RNF20: variants seen among roughly 807,000 people sequenced by gnomAD.
RNF20 encodes ring finger protein 20, also known as E3 ubiquitin-protein ligase BRE1A.
RNF20 carries 84 observed loss-of-function variants against 126.2 expected under a neutral mutation model. That is an observed-to-expected ratio of 0.67 (90% CI 0.56 to 0.80). RNF20 has a LOEUF of 0.80. Among genes scored for constraint, RNF20 ranks in the 30% least tolerant of loss-of-function variants. The probability of loss-of-function intolerance (pLI) is 0.00; values close to 1 mark genes in which losing one functional copy is unlikely to be tolerated. For missense variants in RNF20, 869 were observed against 1,188.2 expected (o/e 0.73, Z 3.95); for synonymous variants, 400 against 414.3 (o/e 0.97, Z 0.42).
At position 101,550,656 on chromosome 9, in the gene RNF20, T is replaced by C. The variant is rs150084245; in HGVS notation, c.1143T>C (p.Tyr381=). The stretch of plus-strand genomic sequence containing the variant: ...AAGTCGTTAAGGAAACTCCAGAATA[T>C]CGCTGCATGCAGTCACAGTTCTCCG... ...VEQVVKETPE[Y]RCMQSQFSVL... Residue 381 remains tyrosine, a synonymous_variant, in exon 10 of 20, where the codon TAT becomes TAC. Transcript: ENST00000389120. 3.5e-5 allele frequency: 56 copies of C among 1,614,130 alleles called. No homozygotes were observed. In the African/African-American group the frequency reaches 7.1e-4, roughly 20 times the overall value.
intron 5 of RNF20, among the ~76,000 whole-genome samples, chr9:101,543,565 CA>C (rs2118688493): frequency 6.7e-6 from 1 of 148,608 alleles, no homozygotes; most frequent in East Asian, 2.1e-4. Context: ...GCCAGGGCGG[CA>C]CTGTCTAACC....
intron 2 of RNF20, among the ~76,000 whole-genome samples, chr9:101,536,744 C>A (rs1365244655): frequency 6.6e-6 from 1 of 152,088 alleles, no homozygotes; most frequent in Admixed American, 6.5e-5. Flanking sequence ...GGGATAAGCA[C>A]ATACTTATGG....
intron 14 of RNF20, 53 bp downstream of exon 14, chr9:101,554,158 A>G (rs1827492357): frequency 3.0e-6 from 3 of 1,011,086 alleles, no homozygotes; most frequent in Non-Finnish European, 4.6e-6. Context: ...CATTTGTGGG[A>G]TTTTCCTTTA....
Position 101,560,832 on chromosome 9 carries a change from T to C in RNF20, c.2414T>C (p.Leu805Pro). ...VDAQLQVVRK[L>P]EEKEHLLQSN... ...GCCCAGCTACAGGTAGTAAGGAAAC[T>C]GGAAGAGAAGGAGCATCTGTTACAG... Residue 805 changes from leucine (L) to proline (P), a missense_variant, in exon 17 of 20, where the codon CTG (leucine) becomes CCG (proline). By Grantham distance (98) the Leu-to-Pro change is moderately conservative. This residue lies in a region of RNF20 where 150 missense variants were observed against 173.7 expected (regional missense o/e 0.86). Transcript: ENST00000389120. 6.2e-7 allele frequency: 1 copy of C among 1,613,372 alleles called. No individual in the cohort carries two copies. The highest frequency in any genetic ancestry group is 1.1e-5 in the South Asian group (1 of 91,026).
At position 101,552,404 on chromosome 9, in the gene RNF20, G is replaced by C. The variant is rs1169680883; in HGVS notation, c.1552G>C (p.Ala518Pro). ...LNKTRLRSGS[A>P]LLQSQSSTED... Reference sequence around the variant, plus strand: ...CCAGACACGCCTGCGTAGTGGTAGTGCCCTCCTGCAGTCCCAGTCTAGTAC... The same window carrying C: ...CCAGACACGCCTGCGTAGTGGTAGTCCCCTCCTGCAGTCCCAGTCTAGTAC... Residue 518 changes from alanine (A) to proline (P), a missense_variant, in exon 13 of 20, where the codon GCC becomes CCC. Coordinates refer to ENST00000389120, the MANE Select transcript of RNF20 (RefSeq NM_019592.7). 4 of 1,605,254 alleles carry C rather than the reference G, an allele frequency of 2.5e-6. No homozygotes were observed. In the African/African-American group the frequency reaches 5.4e-5, roughly 22 times the overall value.
intron 16 of RNF20, 174 bp from the exon 17 acceptor site, chr9:101,560,627 G>T: frequency 2.1e-6 from 1 of 469,564 alleles, no homozygotes; most frequent in Non-Finnish European, 3.7e-6. Context: ...TATATTAAAA[G>T]TAAAGCTTTC....
chr9:101,552,040 C>A, intron 11 of RNF20, 101 bp from the exon 12 acceptor site: 1 of 1,446,506 alleles, frequency 6.9e-7, no homozygotes, highest in Non-Finnish European at 9.5e-7. Context: ...TTTGGTAATT[C>A]TCCCTATTTC....
At chr9:101,546,744 C>A in intron 6 of RNF20, 76 bp from the exon 7 acceptor site, 2 of 1,476,492 alleles carry the variant, frequency 1.4e-6, no homozygotes, top group Non-Finnish European at 1.9e-6. Flanking sequence ...TATAATTACT[C>A]ATAAGCAAGG....
Position 101,552,510 on chromosome 9 carries a change from C to G in RNF20, c.1658C>G (p.Ser553Cys). ...TCCCAGTCCTCAGCTTCAAAGGCAT[C>G]TCAGGAGGATGCCAATGAAATCAAG... ...LSSQSSASKA[S>C]QEDANEIKSK... Residue 553 changes from serine to cysteine, a missense_variant, in exon 13 of 20, where the codon TCT becomes TGT. By Grantham distance (112) the Ser-to-Cys change is moderately radical (BLOSUM62 -1). Around this residue, in one of 8 missense-constraint regions of RNF20, gnomAD observed 231 missense variants for 263.6 expected, o/e 0.88. Transcript: ENST00000389120. The G allele has an allele frequency of 6.2e-7, 1 of 1,613,998 alleles. No individual in the cohort carries two copies. Among genetic ancestry groups the G allele is most frequent in the South Asian group, 1.1e-5 (1 of 91,082 alleles).
Position 101,557,365 on chromosome 9 carries a change from C to G in RNF20, c.2170-19C>G. 1 of 1,578,438 alleles carries G rather than the reference C, an allele frequency of 6.3e-7. No individual in the cohort carries two copies. Among genetic ancestry groups the G allele is most frequent in the South Asian group, 1.1e-5 (1 of 89,966 alleles). ...TTGGAAGATTCTTCTAAAATCAAAT[C>G]TCTTCCTTCATCCTTTAGGAAGAAG... On this transcript the variant is annotated intron_variant, in intron 15 of 19. Coordinates refer to ENST00000389120, the MANE Select transcript of RNF20 (RefSeq NM_019592.7).
chr9:101,559,588 A>C (rs1827594332), intron 16 of RNF20, among the ~76,000 whole-genome samples: 1 of 152,058 alleles, frequency 6.6e-6, no homozygotes, highest in African/African-American at 2.4e-5. Context: ...AGTGTTTTGT[A>C]ATTTTTCTTG....
intron 19 of RNF20, 109 bp downstream of exon 19, chr9:101,562,120 G>T: frequency 7.7e-7 from 1 of 1,306,726 alleles, no homozygotes; most frequent in South Asian, 1.4e-5. Flanking sequence ...TATTTTGGAG[G>T]TTGGGGGGAA....
intron 5 of RNF20, among the ~76,000 whole-genome samples, 160 bp from the exon 6 acceptor site, chr9:101,544,607 G>A (rs918553185): frequency 5.9e-5 from 9 of 152,084 alleles, no homozygotes; most frequent in Admixed American, 5.9e-4. Context: ...TCTGGAGGCT[G>A]AGGCAGGAGA....
At chr9:101,544,378 T>C (rs929177492) in intron 5 of RNF20, among the ~76,000 whole-genome samples, 56 of 152,326 alleles carry the variant, frequency 3.7e-4, no homozygotes, top group Middle Eastern at 3.4e-3. Flanking sequence ...CAGCGTGAGC[T>C]GCTATACCTG....
chr9:101,552,551 G>GAAGAAC lies in RNF20; in HGVS notation c.1700_1705dup (p.Glu568_Arg569insGlnGlu), dbSNP rs1185151565. ...TGAAATCAAGTCTAAACGGGATGAA[G>GAAGAAC]AAGAACGAGAACGAGAAAGGAGGGA... is the stretch of plus-strand genomic sequence containing the variant. On this transcript the variant is annotated inframe_insertion, in exon 13 of 20. Transcript: ENST00000389120. The GAAGAAC allele has an allele frequency of 6.2e-7, 1 of 1,613,268 alleles. No homozygotes were observed. The highest frequency in any genetic ancestry group is 8.5e-7 in the Non-Finnish European group (1 of 1,179,454).
rs112681450 is a variant in RNF20 at position 101,550,842 on chromosome 9, A to G, written c.1272+57A>G. 1.2e-4 allele frequency: 182 copies of G among 1,459,326 alleles called. 3 individuals are homozygous for G. The African/African-American group carries it at 1.4e-3, about 12-fold the overall frequency. The allele number at this position is 1,459,326 out of a possible 1,614,324, so 90.4% of individuals were successfully genotyped here. ...GCTTTCTTGCCTCCTAAATTTTACAATTTTACTCCCTCATGTGCAATTAAT... is the reference window on the plus strand; with the variant it reads ...GCTTTCTTGCCTCCTAAATTTTACAGTTTTACTCCCTCATGTGCAATTAAT... On this transcript the variant is annotated intron_variant, in intron 10 of 19. Coordinates refer to ENST00000389120, the MANE Select transcript of RNF20 (RefSeq NM_019592.7).
chr9:101,535,632 T>A (rs1343947647), intron 2 of RNF20, 80 bp downstream of exon 2: 2 of 1,479,424 alleles, frequency 1.4e-6, no homozygotes, highest in Non-Finnish European at 1.8e-6. Flanking sequence ...GGAAGCTTTC[T>A]GGAGTATGGG....
At chr9:101,539,065 A>G (rs1827223092) in intron 2 of RNF20, among the ~76,000 whole-genome samples, 1 of 152,138 alleles carries the variant, frequency 6.6e-6, no homozygotes, top group Admixed American at 6.5e-5. Flanking sequence ...GGTCAAAGAG[A>G]TGGGGAATTG....
At chr9:101,551,899 TA>T (rs1827452612) in intron 11 of RNF20, 80 bp downstream of exon 11, 1 of 1,453,554 alleles carries the variant, frequency 6.9e-7, no homozygotes, top group Non-Finnish European at 9.3e-7. Context: ...CAGGGTTTGT[TA>T]ATGCTGACTT....
Sources: allele counts gnomAD v4.1 joint callset (sites outside exome capture counted in the v4.1 genomes callset), GRCh38; gene constraint gnomAD v4.1.1; regional missense constraint gnomAD v4.1.1; transcripts MANE v1.5; gene names NCBI Gene and HGNC (gene_info 2026-07-23, HGNC 2026-07-21).